RPA1: variants seen among roughly 807,000 people sequenced by gnomAD.
RPA1 encodes the protein replication protein A 70 kDa DNA-binding subunit.
In RPA1, 49 loss-of-function variants were observed where a neutral mutation model predicts 83.0. That is an observed-to-expected ratio of 0.59 (90% CI 0.47 to 0.75). The LOEUF (loss-of-function observed/expected upper bound fraction) is 0.75, where lower values mean the gene tolerates loss of function less well. Among genes scored for constraint, RPA1 ranks in the 30% least tolerant of loss-of-function variants. The pLI is 0.00. For missense variants in RPA1, 693 were observed against 776.1 expected (o/e 0.89, Z 1.27); for synonymous variants, 279 against 281.8 (o/e 0.99, Z 0.10).
chr17:1,857,267 C>CTTTTTTTTTTTTTTTTTTTTTCT (rs35514214), intron 5 of RPA1, among the ~76,000 whole-genome samples: 1 of 134,838 alleles, frequency 7.4e-6, no homozygotes, highest in African/African-American at 2.7e-5. Flanking sequence ...TTTTCTTTTT[C>CTTTTTTTTTTTTTTTTTTTTTCT]TTTTTTTTTT....
At chr17:1,893,645 C>A (rs2151292830) in intron 15 of RPA1, among the ~76,000 whole-genome samples, 1 of 151,704 alleles carries the variant, frequency 6.6e-6, no homozygotes, top group Non-Finnish European at 1.5e-5. Flanking sequence ...TTTATACAAA[C>A]TATATTCTCT....
At chr17:1,874,012 A>AAAAAAAAAAAAAAAT (rs1555592994) in intron 6 of RPA1, among the ~76,000 whole-genome samples, 1 of 93,864 alleles carries the variant, frequency 1.1e-5, no homozygotes, top group African/African-American at 5.1e-5. Flanking sequence ...AAAAAAAAAA[A>AAAAAAAAAAAAAAAT]ATATATATAT....
rs539113011 is a variant in RPA1 at position 1,850,644 on chromosome 17, C to T, written c.273-2457C>T. On this transcript the variant is annotated intron_variant, in intron 4 of 16. Coordinates refer to ENST00000254719, the MANE Select transcript of RPA1 (RefSeq NM_002945.5). ...GTGCTGGTGGCTCATGCTTGTAATC[C>T]CAGCACTTTGGGAGGCTGAGGCAGG... is the stretch of plus-strand genomic sequence containing the variant. Among the ~76,000 whole-genome samples, 7 of 152,064 alleles carry T rather than the reference C, an allele frequency of 4.6e-5. No individual in the cohort carries two copies. The South Asian group carries it at 1.5e-3, about 32-fold the overall frequency.
intron 4 of RPA1, among the ~76,000 whole-genome samples, chr17:1,850,193 A>G (rs1912438689): frequency 1.3e-5 from 2 of 150,138 alleles, no homozygotes; most frequent in Admixed American, 6.7e-5. Flanking sequence ...AAGATTACCT[A>G]ATATTCAACT....
Position 1,884,243 on chromosome 17 carries a change from G to C in RPA1, c.1374+299G>C, listed in dbSNP as rs17292238. Among the ~76,000 whole-genome samples the C allele has an allele frequency of 0.054, 8,168 of 152,268 alleles. 310 individuals are homozygous for C. The highest frequency in any genetic ancestry group is 0.11 in the Middle Eastern group (32 of 294). Reference sequence around the variant, plus strand: ...CAAGCTTTGTGGTATAATATCACCTGCTTTCGGGTCCACGTTTCTTTCCTG... The same window carrying C: ...CAAGCTTTGTGGTATAATATCACCTCCTTTCGGGTCCACGTTTCTTTCCTG... On this transcript the variant is annotated intron_variant, in intron 13 of 16. Transcript: ENST00000254719. This position sits in a 1 kb window ranked among gnomAD's most constrained non-coding sequence, Gnocchi z 4.1.
chr17:1,881,592 T>C (rs1456190344), intron 12 of RPA1, among the ~76,000 whole-genome samples: 1 of 152,226 alleles, frequency 6.6e-6, no homozygotes, highest in Non-Finnish European at 1.5e-5. Flanking sequence ...ACAGATTTGC[T>C]TTTTTCTTAT....
Position 1,897,239 on chromosome 17 carries a change from C to T in RPA1, c.*64C>T. Reference sequence around the variant, plus strand: ...CAGAATGGAATCGATTTCCTCCCACCTCCGTGTGACGATCCCATGTTAGCT... The same window carrying T: ...CAGAATGGAATCGATTTCCTCCCACTTCCGTGTGACGATCCCATGTTAGCT... On this transcript the variant is annotated 3_prime_UTR_variant, in exon 17 of 17. Coordinates refer to ENST00000254719, the MANE Select transcript of RPA1 (RefSeq NM_002945.5). The T allele has an allele frequency of 1.7e-6, 2 of 1,211,728 alleles. No homozygotes were observed. Among genetic ancestry groups the T allele is most frequent in the Non-Finnish European group, 2.3e-6 (2 of 856,420 alleles). The allele number at this position is 1,211,728 out of a possible 1,614,324, so 75.1% of individuals were successfully genotyped here. A position where few individuals can be genotyped will look rare whatever the true frequency, so the allele number is the denominator to read the frequency against.
intron 6 of RPA1, among the ~76,000 whole-genome samples, chr17:1,873,503 TG>T (rs1913453608): frequency 6.6e-6 from 1 of 152,262 alleles, no homozygotes; most frequent in Admixed American, 6.5e-5. Context: ...TATTTTTCAG[TG>T]CTAAGATTCT....
chr17:1,879,376 C>A lies in RPA1; in HGVS notation c.921C>A (p.Asp307Glu). 1 of 1,614,166 alleles carries A rather than the reference C, an allele frequency of 6.2e-7. No homozygotes were observed. The highest frequency in any genetic ancestry group is 1.7e-5 in the Admixed American group (1 of 60,014). Reference protein sequence around the residue: ...TVQFDFTGIDDLENKSKDSLV... With the variant: ...TVQFDFTGIDELENKSKDSLV... Reference sequence around the variant, plus strand: ...AGTTTGATTTCACGGGGATTGATGACCTCGAGAACAAGTCGAAAGACTCAC... The same window carrying A: ...AGTTTGATTTCACGGGGATTGATGAACTCGAGAACAAGTCGAAAGACTCAC... The change falls in exon 10 of 17, where the codon GAC (aspartate) becomes GAA (glutamate). Residue 307 changes from aspartate to glutamate, a missense_variant. Asp to Glu is a conservative substitution (Grantham distance 45). Transcript: ENST00000254719.
rs533507180 is a variant in RPA1 at position 1,887,512 on chromosome 17, T to C, written c.1375-1163T>C. 4.8e-4 allele frequency among the ~76,000 whole-genome samples: 72 copies of C among 149,108 alleles called. 1 individual carries two copies. In the South Asian group the frequency reaches 0.014, roughly 30 times the overall value. On this transcript the variant is annotated intron_variant, in intron 13 of 16. Transcript: ENST00000254719. ...AGGCGGAGATTTCAGTGAGCTGAGA[T>C]CATGCCACTGCACTCCAGCCTGGTG... is the stretch of plus-strand genomic sequence containing the variant.
At chr17:1,890,580 A>G (rs558981005) in intron 14 of RPA1, among the ~76,000 whole-genome samples, 32 of 150,302 alleles carry the variant, frequency 2.1e-4, no homozygotes, top group African/African-American at 7.1e-4. Context: ...GGGGAATGGC[A>G]TGAACCCGGG....
intron 7 of RPA1, 126 bp downstream of exon 7, chr17:1,875,919 A>ATT: frequency 1.2e-5 from 10 of 859,468 alleles, no homozygotes; most frequent in Non-Finnish European, 1.5e-5. Flanking sequence ...GAATGGGTTT[A>ATT]CTCTTTTTTT....
chr17:1,891,742 A>C (rs1914210996), intron 14 of RPA1, 91 bp from the exon 15 acceptor site: 9 of 842,840 alleles, frequency 1.1e-5, no homozygotes, highest in Non-Finnish European at 1.5e-5. Flanking sequence ...TTATTTTAAT[A>C]AGTGGAAAAA....
Position 1,830,020 on chromosome 17 carries a change from G to T in RPA1, c.-74G>T, listed in dbSNP as rs1911461412. On this transcript the variant is annotated 5_prime_UTR_variant, in exon 1 of 17. Coordinates refer to ENST00000254719, the MANE Select transcript of RPA1 (RefSeq NM_002945.5). ...CGCGCAACTTCTCGGGCCAATAACT[G>T]CGCAGCGCGCGGGACCCGGGTGGGG... is the stretch of plus-strand genomic sequence containing the variant. The T allele has an allele frequency of 8.1e-7, 1 of 1,235,966 alleles. No individual in the cohort carries two copies. The highest frequency in any genetic ancestry group is 1.0e-6 in the Non-Finnish European group (1 of 977,446). The allele number at this position is 1,235,966 out of a possible 1,614,324, so 76.6% of individuals were successfully genotyped here.
chr17:1,894,950 C>T, intron 15 of RPA1, 59 bp from the exon 16 acceptor site: 2 of 1,355,078 alleles, frequency 1.5e-6, no homozygotes, highest in Non-Finnish European at 2.1e-6. Context: ...AAAGTCTTAT[C>T]AGTATTTGCA....
intron 1 of RPA1, among the ~76,000 whole-genome samples, chr17:1,839,336 AT>A (rs954492095): frequency 6.8e-6 from 1 of 147,464 alleles, no homozygotes; most frequent in Non-Finnish European, 1.5e-5. Context: ...TTTATTTTTT[AT>A]TTTTTTTGAG....
intron 1 of RPA1, among the ~76,000 whole-genome samples, chr17:1,832,362 T>G (rs973381431): frequency 2.6e-5 from 4 of 151,888 alleles, no homozygotes; most frequent in Middle Eastern, 3.2e-3. Context: ...AGACCCCAAT[T>G]CCTGTTCATT....
At chr17:1,883,401 T>C (rs1396576461) in intron 12 of RPA1, among the ~76,000 whole-genome samples, 1 of 151,968 alleles carries the variant, frequency 6.6e-6, no homozygotes, top group African/African-American at 2.4e-5. Flanking sequence ...GACCTCGTGA[T>C]CCGCCCGCCT....
chr17:1,895,659 G>GTATGTATGTATTTATT lies in RPA1; in HGVS notation c.1746+567_1746+568insGTATGTATTTATTTAT, dbSNP rs1555596985. Among the ~76,000 whole-genome samples the GTATGTATGTATTTATT allele has an allele frequency of 1.4e-3, 192 of 141,798 alleles. 1 individual carries two copies. The highest frequency in any genetic ancestry group is 4.9e-3 in the African/African-American group (188 of 38,162). The allele number at this position is 141,798 out of a possible 152,430, so 93.0% of individuals were successfully genotyped here. ...CTGAAATTGCCCATAATACCATATA[G>GTATGTATGTATTTATT]TATTTATTTATTTATTTATTTATTT... On this transcript the variant is annotated intron_variant, in intron 16 of 16. Transcript: ENST00000254719.
Sources: allele counts gnomAD v4.1 joint callset (sites outside exome capture counted in the v4.1 genomes callset), GRCh38; gene constraint gnomAD v4.1.1; non-coding constraint Gnocchi (gnomAD v3.1); transcripts MANE v1.5; gene names NCBI Gene and HGNC (gene_info 2026-07-23, HGNC 2026-07-21).